Variants in GPR158 observed in about 807,000 individuals in gnomAD.
The protein encoded by GPR158 is G protein-coupled receptor 158, also known as metabotropic glycine receptor.
GPR158 carries 30 observed loss-of-function variants against 78.2 expected under a neutral mutation model. The ratio of observed to expected loss-of-function variants is 0.38; its 90% CI spans 0.29 to 0.52. GPR158 has a LOEUF of 0.52. Ranked by LOEUF, GPR158 falls within the 20% of genes least tolerant of loss-of-function variation. The probability of loss-of-function intolerance (pLI) is 0.83; values close to 1 mark genes in which losing one functional copy is unlikely to be tolerated. For missense variants in GPR158, 1,463 were observed against 1,523.5 expected (o/e 0.96, Z 0.66); for synonymous variants, 581 against 591.1 (o/e 0.98, Z 0.25).
chr10:25,306,647 T>C (rs1408742284), intron 2 of GPR158, among the ~76,000 whole-genome samples: 1 of 152,198 alleles, frequency 6.6e-6, no homozygotes, highest in African/African-American at 2.4e-5. Context: ...AGGGATTACT[T>C]CCTTCTTTTA....
intron 2 of GPR158, among the ~76,000 whole-genome samples, chr10:25,293,282 C>A (rs1452489808): frequency 1.3e-5 from 2 of 152,108 alleles, no homozygotes; most frequent in African/African-American, 2.4e-5. Context: ...TGGTTACTTA[C>A]TATATGGAGT....
chr10:25,435,309 G>A (rs1020324456), intron 4 of GPR158, among the ~76,000 whole-genome samples: 13 of 152,092 alleles, frequency 8.5e-5, no homozygotes, highest in African/African-American at 2.7e-4. Flanking sequence ...AGTGAGAAAG[G>A]ATAATAAGGT....
In GPR158 at chr10:25,597,964, G is replaced by T. The variant is rs369542883; in HGVS notation, c.2338G>T (p.Gly780Cys). Residue 780 changes from glycine to cysteine, a missense_variant, in exon 11 of 11, where the codon GGC becomes TGC. Physicochemically the swap from Gly to Cys is radical, Grantham distance 159 (BLOSUM62 -3). Transcript: ENST00000376351. ...SKEDKEGADHGTAKGTALIRK... is the reference protein window; with the variant it reads ...SKEDKEGADHCTAKGTALIRK... ...AGAGGACAAGGAGGGCGCCGACCAT[G>T]GCACAGCCAAAGGCACTGCCCTCAT... 3.1e-6 allele frequency: 5 copies of T among 1,613,946 alleles called. No individual in the cohort carries two copies. In the African/African-American group the frequency reaches 6.7e-5, roughly 22 times the overall value.
intron 5 of GPR158, among the ~76,000 whole-genome samples, chr10:25,540,026 A>C (rs1471339219): frequency 1.3e-5 from 2 of 152,178 alleles, no homozygotes; most frequent in African/African-American, 4.8e-5. Context: ...AGAATGGGAG[A>C]AAATTTTCGC....
At chr10:25,453,872 CA>C (rs1328207895) in intron 4 of GPR158, among the ~76,000 whole-genome samples, 1 of 152,130 alleles carries the variant, frequency 6.6e-6, no homozygotes, top group Non-Finnish European at 1.5e-5. Context: ...GTGATGCCTC[CA>C]ACTTTGTTCT....
intron 3 of GPR158, among the ~76,000 whole-genome samples, chr10:25,409,160 C>T (rs1834554974): frequency 6.6e-6 from 1 of 152,204 alleles, no homozygotes; most frequent in Admixed American, 6.5e-5. Context: ...TTTACCCCTC[C>T]TCTCACACTT....
At chr10:25,338,490 A>ATTAT (rs1364063244) in intron 2 of GPR158, among the ~76,000 whole-genome samples, 12 of 131,148 alleles carry the variant, frequency 9.1e-5, no homozygotes, top group Admixed American at 3.0e-4. Context: ...ATATACGTAT[A>ATTAT]ATATACGTAT....
intron 2 of GPR158, among the ~76,000 whole-genome samples, chr10:25,344,879 T>G (rs1025393236): frequency 1.3e-5 from 2 of 151,994 alleles, no homozygotes; most frequent in Non-Finnish European, 2.9e-5. Flanking sequence ...GATTTTCTGG[T>G]GAGGGCCTGC....
intron 2 of GPR158, among the ~76,000 whole-genome samples, chr10:25,272,409 T>C (rs1854129652): frequency 6.7e-6 from 1 of 149,480 alleles, no homozygotes; most frequent in African/African-American, 2.4e-5. Flanking sequence ...TGATTTATTT[T>C]ATACTTCCTT....
chr10:25,454,038 G>A (rs1420968829), intron 4 of GPR158, among the ~76,000 whole-genome samples: 1 of 151,980 alleles, frequency 6.6e-6, no homozygotes, highest in African/African-American at 2.4e-5. Flanking sequence ...TATTTTAACA[G>A]TATTAAATTT....
chr10:25,470,373 G>A (rs140911601), intron 5 of GPR158, among the ~76,000 whole-genome samples: 1 of 152,148 alleles, frequency 6.6e-6, no homozygotes, highest in African/African-American at 2.4e-5. Flanking sequence ...GGTGGAGGGA[G>A]TTTGGCCCTT....
intron 1 of GPR158, among the ~76,000 whole-genome samples, chr10:25,190,726 G>A (rs2130641860): frequency 6.6e-6 from 1 of 152,252 alleles, no homozygotes; most frequent in Middle Eastern, 3.4e-3. Context: ...TCAGAAGAAA[G>A]CTTAAGAAAA....
chr10:25,397,148 A>G (rs78331014), intron 3 of GPR158, among the ~76,000 whole-genome samples: 2,745 of 152,286 alleles, frequency 0.018, 78 homozygotes, highest in African/African-American at 0.054. Context: ...ATGTCCCATC[A>G]TATTTACGGA....
intron 2 of GPR158, among the ~76,000 whole-genome samples, chr10:25,261,149 T>C (rs1386682866): frequency 6.6e-6 from 1 of 152,138 alleles, no homozygotes. Context: ...ATAAATTAGA[T>C]TATCTGAGGG....
intron 1 of GPR158, among the ~76,000 whole-genome samples, chr10:25,214,467 T>C (rs890655906): frequency 1.3e-5 from 2 of 152,112 alleles, no homozygotes; most frequent in Admixed American, 1.3e-4. Context: ...TACATAACCA[T>C]GGCAAAATTA....
chr10:25,401,721 T>TATTAATTAGTCAA (rs1226185859), intron 3 of GPR158, among the ~76,000 whole-genome samples: 1 of 152,140 alleles, frequency 6.6e-6, no homozygotes, highest in East Asian at 1.9e-4. Context: ...GAAATTTGAC[T>TATTAATTAGTCAA]ATTAATTAGC....
chr10:25,205,327 A>G (rs1382931515), intron 1 of GPR158, among the ~76,000 whole-genome samples: 2 of 150,084 alleles, frequency 1.3e-5, no homozygotes, highest in African/African-American at 4.9e-5. Flanking sequence ...TTTTTTCCCA[A>G]AAAACCTACT....
At chr10:25,308,708 T>G (rs758789782) in intron 2 of GPR158, among the ~76,000 whole-genome samples, 9 of 152,164 alleles carry the variant, frequency 5.9e-5, no homozygotes, top group Non-Finnish European at 1.2e-4. Flanking sequence ...AAACAATAAC[T>G]CCTTTTTCTT....
intron 2 of GPR158, among the ~76,000 whole-genome samples, chr10:25,270,102 GAC>G (rs1854098057): frequency 6.6e-6 from 1 of 152,104 alleles, no homozygotes; most frequent in African/African-American, 2.4e-5. Context: ...AGACCTTGAG[GAC>G]ACACAGAATC....
Sources: allele counts gnomAD v4.1 joint callset (sites outside exome capture counted in the v4.1 genomes callset), GRCh38; gene constraint gnomAD v4.1.1; transcripts MANE v1.5; gene names NCBI Gene and HGNC (gene_info 2026-07-23, HGNC 2026-07-21).